LMO2: variants seen among roughly 807,000 people sequenced by gnomAD.
LMO2 encodes the protein rhombotin-2.
In LMO2, 20 loss-of-function variants were observed where a neutral mutation model predicts 23.2. The observed-to-expected ratio is 0.86, with a 90% CI of 0.61 to 1.25. The LOEUF (loss-of-function observed/expected upper bound fraction) is 1.25. Ranked by LOEUF, LMO2 falls within the 50% of genes most tolerant of loss-of-function variation. LMO2 has a pLI of 0.00. For synonymous variants in LMO2, 123 were observed against 130.2 expected (o/e 0.94, Z 0.38); for missense variants, 270 against 315.3 (o/e 0.86, Z 1.09).
chr11:33,874,323 A>G (rs755338904), intron 2 of LMO2, among the ~76,000 whole-genome samples: 1 of 152,234 alleles, frequency 6.6e-6, no homozygotes, highest in Admixed American at 6.5e-5. Context: ...GAGCCTTAGG[A>G]TGAGCATAGA....
At chr11:33,873,006 A>C (rs933218278) in intron 2 of LMO2, among the ~76,000 whole-genome samples, 4 of 152,162 alleles carry the variant, frequency 2.6e-5, no homozygotes, top group Admixed American at 6.5e-5. Context: ...CAGGCGGTCC[A>C]TCTGCCTCAG....
chr11:33,862,099 G>A lies in LMO2; in HGVS notation c.464+2503C>T, dbSNP rs562626737. ...CTGAGGCAAGGATTGATGTGCCAGT[G>A]ATTTATGAATGAGGCATTCTCAGGA... is the stretch of plus-strand genomic sequence containing the variant. On this transcript the variant is annotated intron_variant, in intron 5 of 5. Transcript: ENST00000257818. Among the ~76,000 whole-genome samples the A allele has an allele frequency of 2.2e-3, 331 of 152,342 alleles. 1 individual carries two copies. The highest frequency in any genetic ancestry group is 7.4e-3 in the African/African-American group (309 of 41,578).
chr11:33,862,145 G>A (rs1856604859), intron 5 of LMO2, among the ~76,000 whole-genome samples: 1 of 152,204 alleles, frequency 6.6e-6, no homozygotes. Flanking sequence ...AGGCAGCAGG[G>A]GAGGCTGGAG....
At chr11:33,877,352 G>C (rs1857158722) in intron 2 of LMO2, among the ~76,000 whole-genome samples, 1 of 152,178 alleles carries the variant, frequency 6.6e-6, no homozygotes. Context: ...TCGCTGCTGG[G>C]GCAGCTGTGT....
At chr11:33,870,034 C>A in intron 2 of LMO2, 47 bp from the exon 3 acceptor site, 12 of 706,380 alleles carry the variant, frequency 1.7e-5, no homozygotes, top group Non-Finnish European at 1.9e-5. Context: ...TTTAAAGAGA[C>A]AGCTGCCCGG....
At chr11:33,870,337 G>A in intron 2 of LMO2, 1 of 978,770 alleles carries the variant, frequency 1.0e-6, no homozygotes, top group Non-Finnish European at 1.2e-6. Context: ...TGTGAAATAA[G>A]CACCTACAGA....
At chr11:33,877,621 C>T (rs1000306348) in intron 2 of LMO2, among the ~76,000 whole-genome samples, 8 of 151,842 alleles carry the variant, frequency 5.3e-5, no homozygotes, top group African/African-American at 1.5e-4. Flanking sequence ...CACACTACCA[C>T]GCCTGGCTAA....
intron 3 of LMO2, 53 bp downstream of exon 3, chr11:33,869,653 GGGGC>G: frequency 7.9e-7 from 1 of 1,258,552 alleles, no homozygotes; most frequent in African/African-American, 1.6e-5. Flanking sequence ...GGCGGGGGCC[GGGGC>G]GCGCAGCCTG....
chr11:33,890,844 T>A (rs1857529278), intron 1 of LMO2, among the ~76,000 whole-genome samples: 1 of 152,172 alleles, frequency 6.6e-6, no homozygotes, highest in African/African-American at 2.4e-5. Flanking sequence ...ATGAGAAAAC[T>A]GAGGCTGCCA....
Position 33,864,508 on chromosome 11 carries a change from GGAGCA to G in LMO2, c.464+89_464+93del, listed in dbSNP as rs1661839053. On this transcript the variant is annotated intron_variant, in intron 5 of 5. Coordinates refer to ENST00000257818, the MANE Select transcript of LMO2 (RefSeq NM_005574.4). This position sits in a 1 kb window ranked among gnomAD's most constrained non-coding sequence, Gnocchi z 4.8. The stretch of plus-strand genomic sequence containing the variant: ...CTTTCTATAGGTGGTGTCCGAGCCT[GGAGCA>G]GGGTAAGGGGCAACACACACCGACT... 5.0e-6 allele frequency: 5 copies of G among 1,005,776 alleles called. No homozygotes were observed. Among genetic ancestry groups the G allele is most frequent in the East Asian group, 2.6e-5 (1 of 38,594 alleles). The allele number at this position is 1,005,776 out of a possible 1,614,324, so 62.3% of individuals were successfully genotyped here. A position where few individuals can be genotyped will look rare whatever the true frequency, so the allele number is the denominator to read the frequency against.
intron 5 of LMO2, among the ~76,000 whole-genome samples, chr11:33,860,840 T>C (rs916664109): frequency 3.3e-5 from 5 of 152,138 alleles, no homozygotes; most frequent in Admixed American, 6.5e-5. Context: ...CCTACCCAAC[T>C]GAGACACCCT....
intron 2 of LMO2, among the ~76,000 whole-genome samples, chr11:33,871,606 T>C (rs965805251): frequency 2.1e-5 from 3 of 141,706 alleles, no homozygotes; most frequent in Non-Finnish European, 4.6e-5. Context: ...TTTTTTTTTT[T>C]CCGATAGACC....
intron 4 of LMO2, among the ~76,000 whole-genome samples, chr11:33,866,574 T>C (rs1856792357): frequency 6.6e-6 from 1 of 152,238 alleles, no homozygotes; most frequent in Non-Finnish European, 1.5e-5. Flanking sequence ...AAGTTGAGGC[T>C]GCAGTGAGCA....
At position 33,864,569 on chromosome 11, in the gene LMO2, T is replaced by A; in HGVS notation, c.464+33A>T. The A allele has an allele frequency of 6.3e-7, 1 of 1,582,796 alleles. No individual in the cohort carries two copies. The highest frequency in any genetic ancestry group is 8.6e-7 in the Non-Finnish European group (1 of 1,158,932). ...TGTCCATGGACCACCCAGCCTCCCT[T>A]CCGAGGGCCCAGTGGAGTGCCGGGG... On this transcript the variant is annotated intron_variant, in intron 5 of 5. Transcript: ENST00000257818. This position sits in a 1 kb window ranked among gnomAD's most constrained non-coding sequence, Gnocchi z 4.8.
At chr11:33,865,964 C>T (rs554822185) in intron 4 of LMO2, among the ~76,000 whole-genome samples, 1 of 152,204 alleles carries the variant, frequency 6.6e-6, no homozygotes, top group Non-Finnish European at 1.5e-5. Context: ...TCTTAAAAAT[C>T]TATTATGTTT....
In LMO2 at chr11:33,864,599, TA is replaced by T; in HGVS notation, c.464+2del. 6.2e-7 allele frequency: 1 copy of T among 1,610,706 alleles called. No homozygotes were observed. Among genetic ancestry groups the T allele is most frequent in the Non-Finnish European group, 8.5e-7 (1 of 1,178,622 alleles). On this transcript the variant is annotated splice_donor_variant, in intron 5 of 5. Transcript: ENST00000257818. LOFTEE classifies it high-confidence loss of function. This position sits in a 1 kb window ranked among gnomAD's most constrained non-coding sequence, Gnocchi z 4.8. ...GGGCCCAGTGGAGTGCCGGGGAGGGTACCTGAGATAGTCTCTCCGGCAGAGC... is the reference window on the plus strand; with the variant it reads ...GGGCCCAGTGGAGTGCCGGGGAGGGTCCTGAGATAGTCTCTCCGGCAGAGC...
intron 1 of LMO2, among the ~76,000 whole-genome samples, chr11:33,884,096 A>T (rs1230370817): frequency 6.6e-6 from 1 of 152,196 alleles, no homozygotes. Flanking sequence ...CCCGGTGATC[A>T]CAGGCAATTC....
chr11:33,888,206 T>C (rs771918512), intron 1 of LMO2, among the ~76,000 whole-genome samples: 5 of 152,216 alleles, frequency 3.3e-5, no homozygotes, highest in Non-Finnish European at 7.3e-5. Context: ...CATTCGTATA[T>C]GATCTCGCTC....
intron 1 of LMO2, among the ~76,000 whole-genome samples, chr11:33,886,781 C>A (rs1165911503): frequency 1.3e-5 from 2 of 152,160 alleles, no homozygotes; most frequent in African/African-American, 4.8e-5. Flanking sequence ...GCTCCAAGAT[C>A]CACATGGTGG....
Sources: allele counts gnomAD v4.1 joint callset (sites outside exome capture counted in the v4.1 genomes callset), GRCh38; gene constraint gnomAD v4.1.1; non-coding constraint Gnocchi (gnomAD v3.1); transcripts MANE v1.5; gene names NCBI Gene and HGNC (gene_info 2026-07-23, HGNC 2026-07-21).